Variants in PPP2R5C observed in about 807,000 individuals in gnomAD.
PPP2R5C encodes protein phosphatase 2 regulatory subunit B'gamma.
In PPP2R5C, 7 loss-of-function variants were observed where a neutral mutation model predicts 68.9. The observed-to-expected ratio is 0.10, with a 90% CI of 0.06 to 0.19. The LOEUF is 0.19. PPP2R5C is among the 10% of genes least tolerant of loss of function. The pLI, the probability that PPP2R5C is intolerant of heterozygous loss-of-function variation, is 1.00. For synonymous variants in PPP2R5C, 210 were observed against 222.2 expected, an observed-to-expected ratio of 0.95 and a Z score of 0.49; for missense variants, 348 against 641.3, an observed-to-expected ratio of 0.54 and a Z score of 4.94.
At chr14:101,810,166 C>G in intron 1 of PPP2R5C, 2 of 844,608 alleles carry the variant, frequency 2.4e-6, no homozygotes, top group Non-Finnish European at 3.7e-6. Context: ...CAGACTTAAC[C>G]AGAGGAGGTT....
chr14:101,912,384 A>G lies in PPP2R5C; in HGVS notation c.1254-17A>G, dbSNP rs1271058626. Reference sequence around the variant, plus strand: ...CTGATGCATCTCTAACACAGATGACATTTTACTGTTTTTCAGAGAGAAGCT... The same window carrying G: ...CTGATGCATCTCTAACACAGATGACGTTTTACTGTTTTTCAGAGAGAAGCT... On this transcript the variant is annotated splice_polypyrimidine_tract_variant and intron_variant, in intron 11 of 13. Transcript: ENST00000334743. 1.3e-5 allele frequency: 21 copies of G among 1,586,078 alleles called. No individual in the cohort carries two copies. The highest frequency in any genetic ancestry group is 1.6e-5 in the Non-Finnish European group (19 of 1,168,698).
intron 1 of PPP2R5C, among the ~76,000 whole-genome samples, chr14:101,827,908 G>A (rs1267422070): frequency 6.6e-6 from 1 of 151,992 alleles, no homozygotes; most frequent in Non-Finnish European, 1.5e-5. Context: ...ACCTCATATT[G>A]GAAGTGAGAT....
At chr14:101,919,666 C>G (rs2046899172) in intron 13 of PPP2R5C, among the ~76,000 whole-genome samples, 1 of 152,120 alleles carries the variant, frequency 6.6e-6, no homozygotes, top group South Asian at 2.1e-4. Context: ...AGGCTATACA[C>G]AGTTAAAAAG....
intron 1 of PPP2R5C, among the ~76,000 whole-genome samples, chr14:101,837,972 G>T (rs1197015761): frequency 1.3e-5 from 2 of 152,158 alleles, no homozygotes; most frequent in Non-Finnish European, 2.9e-5. Context: ...GTTCTCATGT[G>T]CAGAACCACC....
At position 101,797,945 on chromosome 14, in the gene PPP2R5C, G is replaced by A. The variant is rs1595188632; in HGVS notation, c.259+11762G>A. Among the ~76,000 whole-genome samples the A allele has an allele frequency of 1.3e-5, 2 of 151,880 alleles. No individual in the cohort carries two copies. The highest frequency in any genetic ancestry group is 4.8e-5 in the African/African-American group (2 of 41,338). ...TCCTCTTTAATCACTCCCAGGCCTC[G>A]CTCACACAGCAACAAGTGCCTGTCC... On this transcript the variant is annotated intron_variant, in intron 3 of 14. Coordinates refer to the PPP2R5C transcript ENST00000328724. The surrounding 1 kb of genome is among the most constrained non-coding windows in gnomAD (Gnocchi z 4.2).
At chr14:101,787,342 A>G (rs1273027871) in intron 3 of PPP2R5C, among the ~76,000 whole-genome samples, 1 of 152,088 alleles carries the variant, frequency 6.6e-6, no homozygotes, top group Non-Finnish European at 1.5e-5. Context: ...TGTAAAGCAG[A>G]TAGCAGATTT....
At position 101,837,373 on chromosome 14, in the gene PPP2R5C, C is replaced by G. The variant is rs566716322; in HGVS notation, c.95-19313C>G. Among the ~76,000 whole-genome samples the G allele has an allele frequency of 3.2e-4, 49 of 152,202 alleles. 1 individual carries two copies. The South Asian group carries it at 7.3e-3, about 23-fold the overall frequency. On this transcript the variant is annotated intron_variant, in intron 1 of 13. Transcript: ENST00000334743. ...TGTCAGTCAGGCTAGTCCTCAACTC[C>G]CGATCTCAGGTGATCCGCCCACCTC...
At chr14:101,820,661 A>G (rs1046545372) in intron 1 of PPP2R5C, 1 of 152,212 alleles carries the variant, frequency 6.6e-6, no homozygotes, top group Non-Finnish European at 1.5e-5. Context: ...GTTTCTTTAC[A>G]TATACTTGAA....
At chr14:101,883,074 A>G in intron 3 of PPP2R5C, 183 bp from the exon 6 acceptor site, 1 of 564,466 alleles carries the variant, frequency 1.8e-6, no homozygotes, top group Non-Finnish European at 3.1e-6. Flanking sequence ...GTTTCACCAA[A>G]TAAAATAATT....
At chr14:101,762,851 G>A in intron 1 of PPP2R5C, 54 bp from the exon 2 acceptor site, 1 of 1,452,368 alleles carries the variant, frequency 6.9e-7, no homozygotes, top group Admixed American at 2.0e-5. Flanking sequence ...CTTATCTGAT[G>A]TTTACCTGTC....
chr14:101,870,040 C>CTTTT (rs141433870), intron 2 of PPP2R5C, among the ~76,000 whole-genome samples: 3 of 53,104 alleles, frequency 5.6e-5, no homozygotes, highest in Admixed American at 2.2e-4. Context: ...TTCAATTGGG[C>CTTTT]TTTTTTTTTT....
chr14:101,776,934 G>A (rs2037453058), intron 2 of PPP2R5C, among the ~76,000 whole-genome samples: 1 of 146,860 alleles, frequency 6.8e-6, no homozygotes, highest in African/African-American at 2.5e-5. Context: ...AGGCTGGAGT[G>A]CAATGGCGTG....
intron 1 of PPP2R5C, among the ~76,000 whole-genome samples, chr14:101,848,245 T>A (rs1413970679): frequency 6.6e-6 from 1 of 152,082 alleles, no homozygotes; most frequent in African/African-American, 2.4e-5. Flanking sequence ...AGAAAGTGTG[T>A]TGGGGGGCCG....
chr14:101,882,390 C>T lies in PPP2R5C; in HGVS notation c.405+119C>T, dbSNP rs1286392679. On this transcript the variant is annotated intron_variant, in intron 3 of 13. Coordinates refer to ENST00000334743, the Ensembl canonical transcript of PPP2R5C. The surrounding 1 kb of genome is among the most constrained non-coding windows in gnomAD (Gnocchi z 4.9). Reference sequence around the variant, plus strand: ...GACCTCTCCTCCTCAGTAGCATGGGCCTCGTAAACCCATATGTACAAGAAA... The same window carrying T: ...GACCTCTCCTCCTCAGTAGCATGGGTCTCGTAAACCCATATGTACAAGAAA... The T allele has an allele frequency of 3.2e-6, 2 of 629,128 alleles. No individual in the cohort carries two copies. Among genetic ancestry groups the T allele is most frequent in the Non-Finnish European group, 5.4e-6 (2 of 368,980 alleles). The allele number at this position is 629,128 out of a possible 1,614,324, so 39.0% of individuals were successfully genotyped here.
intron 12 of PPP2R5C, among the ~76,000 whole-genome samples, chr14:101,912,815 T>G (rs578179494): frequency 6.6e-6 from 1 of 152,364 alleles, no homozygotes; most frequent in East Asian, 1.9e-4. Context: ...AGCATTTCCC[T>G]TTCTTTTTCA....
chr14:101,836,928 ATGAT>A (rs1420281116), intron 1 of PPP2R5C, among the ~76,000 whole-genome samples: 1 of 152,236 alleles, frequency 6.6e-6, no homozygotes, highest in Non-Finnish European at 1.5e-5. Context: ...TTTGGCCTAA[ATGAT>A]TGAACATTGA....
intron 3 of PPP2R5C, among the ~76,000 whole-genome samples, chr14:101,788,436 G>A (rs890845312): frequency 1.3e-5 from 2 of 152,206 alleles, no homozygotes; most frequent in African/African-American, 4.8e-5. Context: ...TGCAAGTACC[G>A]GTGTGTGCCG....
chr14:101,799,155 A>G (rs1432756256), intron 3 of PPP2R5C, among the ~76,000 whole-genome samples: 3 of 151,890 alleles, frequency 2.0e-5, no homozygotes, highest in African/African-American at 7.2e-5. Flanking sequence ...GGGAAGAGGA[A>G]GCCTGCCTGG....
intron 1 of PPP2R5C, among the ~76,000 whole-genome samples, chr14:101,821,455 G>GTGTC (rs1450832903): frequency 6.9e-6 from 1 of 144,414 alleles, no homozygotes; most frequent in African/African-American, 2.7e-5. Context: ...GTGGGTGGGT[G>GTGTC]TGTGTGTGTG....
Sources: gnomAD v4.1 joint callset for allele counts (sites outside exome capture counted in the v4.1 genomes callset) on GRCh38, gnomAD v4.1.1 for gene constraint, Gnocchi (gnomAD v3.1) non-coding constraint, MANE v1.5 for transcripts, NCBI Gene and HGNC (gene_info 2026-07-23, HGNC 2026-07-21) for gene names.